The following SCAF8 variants were observed in gnomAD, a reference collection of about 807,000 sequenced individuals.
The protein encoded by SCAF8 is SR-related CTD associated factor 8.
A neutral mutation model predicts 140.5 loss-of-function variants in SCAF8; 23 were observed. The ratio of observed to expected loss-of-function variants is 0.16; its 90% CI spans 0.12 to 0.23. SCAF8 has a LOEUF of 0.23. Ranked by LOEUF, SCAF8 falls within the 10% of genes least tolerant of loss-of-function variation. The pLI, the probability that SCAF8 is intolerant of heterozygous loss-of-function variation, is 1.00. For synonymous variants in SCAF8, 575 were observed against 528.9 expected (o/e 1.09, Z -1.20); for missense variants, 1,397 against 1,555.7 (o/e 0.90, Z 1.72).
At chr6:154,784,120 G>GATATATATATATATATATATATATATAT (rs72135986) in intron 3 of SCAF8, among the ~76,000 whole-genome samples, 2 of 106,882 alleles carry the variant, frequency 1.9e-5, no homozygotes, top group African/African-American at 6.4e-5. Flanking sequence ...GGTGTCTTGA[G>GATATATATATATATATATATATATATAT]ATATATATAT....
At chr6:154,784,017 A>AGATCATGC (rs1424525926) in intron 3 of SCAF8, among the ~76,000 whole-genome samples, 5 of 151,828 alleles carry the variant, frequency 3.3e-5, no homozygotes, top group African/African-American at 1.2e-4. Flanking sequence ...CAGTGAGCCG[A>AGATCATGC]GATCATGCCA....
chr6:154,789,168 G>T (rs1277035175), intron 4 of SCAF8, among the ~76,000 whole-genome samples: 2 of 152,122 alleles, frequency 1.3e-5, no homozygotes, highest in Non-Finnish European at 2.9e-5. Flanking sequence ...GAGTGCAATG[G>T]CATGATCTTG....
intron 13 of SCAF8, among the ~76,000 whole-genome samples, chr6:154,817,324 G>A (rs980454974): frequency 2.0e-5 from 3 of 152,144 alleles, no homozygotes; most frequent in South Asian, 2.1e-4. Context: ...TTTGATGATC[G>A]TATTTGTAAT....
chr6:154,792,769 G>C, intron 4 of SCAF8, 54 bp from the exon 5 acceptor site: 1 of 1,310,028 alleles, frequency 7.6e-7, no homozygotes, highest in South Asian at 1.5e-5. Context: ...TGAAATGACT[G>C]TACTAAGGTT....
chr6:154,832,016 C>T lies in SCAF8; in HGVS notation c.2437C>T (p.Leu813=), dbSNP rs1173279245. 1.7e-5 allele frequency: 28 copies of T among 1,613,582 alleles called. No individual in the cohort carries two copies. The highest frequency in any genetic ancestry group is 2.3e-5 in the Non-Finnish European group (27 of 1,179,866). ...AAATGTGACAAGCAATTCTGGAATT[C>T]TGGGAGTCCAAAGACCAAATGTATC... ...PPNVTSNSGI[L]GVQRPNVSSN... is the part of the protein sequence containing the mutation. The change falls in exon 20 of 20, where the codon CTG becomes TTG. Residue 813 remains leucine, a synonymous_variant. Transcript: ENST00000367178.
At chr6:154,822,854 A>C (rs1778459825) in intron 16 of SCAF8, among the ~76,000 whole-genome samples, 1 of 151,626 alleles carries the variant, frequency 6.6e-6, no homozygotes, top group Non-Finnish European at 1.5e-5. Flanking sequence ...TCAGTGAAAA[A>C]CCCCCAGAAA....
chr6:154,793,183 C>T (rs140366101), intron 5 of SCAF8, among the ~76,000 whole-genome samples: 247 of 152,146 alleles, frequency 1.6e-3, no homozygotes, highest in African/African-American at 5.6e-3. Flanking sequence ...TTCATTTAAT[C>T]CACAGAAACA....
chr6:154,787,547 T>G (rs73581083), intron 3 of SCAF8, among the ~76,000 whole-genome samples: 2,247 of 152,352 alleles, frequency 0.015, 55 homozygotes, highest in African/African-American at 0.05. Flanking sequence ...TGCTTCTTTC[T>G]TCCATGTAGC....
intron 3 of SCAF8, 53 bp downstream of exon 3, chr6:154,778,098 CTCT>C: frequency 9.9e-7 from 1 of 1,007,262 alleles, no homozygotes; most frequent in East Asian, 2.5e-5. Context: ...AATGCCTGTA[CTCT>C]TCTCCTTTAG....
At chr6:154,827,065 G>A in intron 17 of SCAF8, 107 bp from the exon 18 acceptor site, 1 of 853,218 alleles carries the variant, frequency 1.2e-6, no homozygotes, top group South Asian at 1.6e-5. Flanking sequence ...ATATGAGGTT[G>A]TAGTCCATTT....
intron 1 of SCAF8, among the ~76,000 whole-genome samples, chr6:154,741,428 A>G (rs574306063): frequency 6.6e-6 from 1 of 151,338 alleles, no homozygotes; most frequent in Non-Finnish European, 1.5e-5. Context: ...TTTTTTTGAG[A>G]TGGAGTCTTG....
At chr6:154,770,698 C>T (rs1776734418) in intron 1 of SCAF8, among the ~76,000 whole-genome samples, 1 of 152,112 alleles carries the variant, frequency 6.6e-6, no homozygotes, top group Non-Finnish European at 1.5e-5. Context: ...GCACTTCTAC[C>T]AGGATTCATT....
intron 1 of SCAF8, among the ~76,000 whole-genome samples, chr6:154,766,466 C>G (rs2114832946): frequency 6.6e-6 from 1 of 152,216 alleles, no homozygotes; most frequent in South Asian, 2.1e-4. Context: ...ATAATTGTAA[C>G]CCTTCTGCCA....
intron 13 of SCAF8, 80 bp downstream of exon 13, chr6:154,815,896 T>A (rs1270001047): frequency 6.7e-6 from 5 of 748,196 alleles, no homozygotes; most frequent in Non-Finnish European, 1.1e-5. Flanking sequence ...TGTTCCTAAT[T>A]AGCCCAGTAA....
chr6:154,784,155 A>ATATATT (rs1408182952), intron 3 of SCAF8, among the ~76,000 whole-genome samples: 934 of 91,454 alleles, frequency 0.01, 9 homozygotes, highest in East Asian at 0.033. Context: ...ATATATATAT[A>ATATATT]TATTTATTTA....
chr6:154,766,723 G>A (rs1776582479), intron 1 of SCAF8, among the ~76,000 whole-genome samples: 2 of 114,330 alleles, frequency 1.7e-5, no homozygotes, highest in Non-Finnish European at 3.3e-5. Flanking sequence ...CATTGGTTCT[G>A]TTATAAATCC....
chr6:154,759,278 C>G (rs1437558578), intron 1 of SCAF8, among the ~76,000 whole-genome samples: 2 of 151,970 alleles, frequency 1.3e-5, no homozygotes, highest in African/African-American at 4.8e-5. Context: ...TCCCTCTATT[C>G]CAAGGGTTTA....
chr6:154,744,216 G>C (rs547668987), intron 1 of SCAF8, among the ~76,000 whole-genome samples: 1 of 152,062 alleles, frequency 6.6e-6, no homozygotes, highest in Non-Finnish European at 1.5e-5. Context: ...CGCTTGAACC[G>C]GGGAGGGAGA....
rs1293714089 is a variant in SCAF8, at chr6:154,824,107, G to A, written c.1927-127G>A. On this transcript the variant is annotated intron_variant, in intron 16 of 19. Coordinates refer to ENST00000367178, the MANE Select transcript of SCAF8 (RefSeq NM_014892.5). ...GTTCACTTGCAAGTATACAAAAAGG[G>A]GGCATAAAACCCTTTTTAGTAGTAT... The A allele has an allele frequency of 1.4e-5, 12 of 852,426 alleles. No homozygotes were observed. The South Asian group carries it at 1.9e-4, about 14-fold the overall frequency. The allele number at this position is 852,426 out of a possible 1,614,324, so 52.8% of individuals were successfully genotyped here.
Sources: gnomAD v4.1 joint callset for allele counts (sites outside exome capture counted in the v4.1 genomes callset) on GRCh38, gnomAD v4.1.1 for gene constraint, MANE v1.5 for transcripts, NCBI Gene and HGNC (gene_info 2026-07-23, HGNC 2026-07-21) for gene names.